CEMP1: variants seen among roughly 807,000 people sequenced by gnomAD.
CEMP1 encodes cementum protein 1.
For missense variants in CEMP1, 387 were observed against 316.9 expected (o/e 1.22, Z -1.68); for synonymous variants, 161 against 128.6 (o/e 1.25, Z -1.71).
Position 2,531,177 on chromosome 16 carries a change from C to T in CEMP1, c.-104G>A, listed in dbSNP as rs2066091267. 2 of 1,425,506 alleles carry T rather than the reference C, an allele frequency of 1.4e-6. No individual in the cohort carries two copies. Among genetic ancestry groups the T allele is most frequent in the Middle Eastern group, 2.6e-4 (1 of 3,830 alleles). The allele number at this position is 1,425,506 out of a possible 1,614,324, so 88.3% of individuals were successfully genotyped here. Reference sequence around the variant, plus strand: ...GGGCCAGCCTTTGGGCCTGGCCTGCCCCATTCACCGGCCAGCGCCCCACCT... The same window carrying T: ...GGGCCAGCCTTTGGGCCTGGCCTGCTCCATTCACCGGCCAGCGCCCCACCT... On this transcript the variant is annotated 5_prime_UTR_variant, in exon 1 of 1. Transcript: ENST00000567119.
Position 2,530,079 on chromosome 16 carries a change from CCCA to C in CEMP1, c.*248_*250del. ...CTGAGTTGGGGTGTGCAGCGTGGAGCCCACAGCCTGGTTCTGGGCCAGGGCACA... is the reference window on the plus strand; with the variant it reads ...CTGAGTTGGGGTGTGCAGCGTGGAGCCAGCCTGGTTCTGGGCCAGGGCACA... On this transcript the variant is annotated 3_prime_UTR_variant, in exon 1 of 1. Coordinates refer to ENST00000567119, the MANE Select transcript of CEMP1 (RefSeq NM_001048212.3). The C allele has an allele frequency of 1.0e-6, 1 of 973,606 alleles. No homozygotes were observed. Among genetic ancestry groups the C allele is most frequent in the Non-Finnish European group, 1.5e-6 (1 of 680,358 alleles). 60.3% of individuals were successfully genotyped at this position (973,606 alleles called of 1,614,324 possible). A position where few individuals can be genotyped will look rare whatever the true frequency, so the allele number is the denominator to read the frequency against.
rs1430268085 is a variant in CEMP1 at position 2,530,172 on chromosome 16, C to T, written c.*158G>A. ...GGCCCGGGACCCCTGTTTTCTGCTC[C>T]CTGGACTGCCTAGCCCTGAGTGCCA... On this transcript the variant is annotated 3_prime_UTR_variant, in exon 1 of 1. Coordinates refer to ENST00000567119, the MANE Select transcript of CEMP1 (RefSeq NM_001048212.3). 3 of 1,466,778 alleles carry T rather than the reference C, an allele frequency of 2.0e-6. No homozygotes were observed. Among genetic ancestry groups the T allele is most frequent in the Non-Finnish European group, 2.7e-6 (3 of 1,107,746 alleles). 90.9% of individuals were successfully genotyped at this position (1,466,778 alleles called of 1,614,324 possible).
In CEMP1 at chr16:2,530,122, G is replaced by A. The variant is rs139970822; in HGVS notation, c.*208C>T. 6.1e-4 allele frequency: 798 copies of A among 1,312,540 alleles called. 4 individuals are homozygous for A. The African/African-American group carries it at 0.011, about 18-fold the overall frequency. The allele number at this position is 1,312,540 out of a possible 1,614,324, so 81.3% of individuals were successfully genotyped here. A position where few individuals can be genotyped will look rare whatever the true frequency, so the allele number is the denominator to read the frequency against. Reference sequence around the variant, plus strand: ...GCCAGGGCACAGTGCCAGGGGCTCCGCTCTGACCTCCAGGAGGGAGACTGG... The same window carrying A: ...GCCAGGGCACAGTGCCAGGGGCTCCACTCTGACCTCCAGGAGGGAGACTGG... On this transcript the variant is annotated 3_prime_UTR_variant, in exon 1 of 1. Coordinates refer to ENST00000567119, the MANE Select transcript of CEMP1 (RefSeq NM_001048212.3).
Position 2,530,261 on chromosome 16 carries a change from A to C in CEMP1, c.*69T>G. Reference sequence around the variant, plus strand: ...TATCTCTTCACACATCCCCAGGCCCAGTGCTTGCCGGCTGTGGTGACCCTG... The same window carrying C: ...TATCTCTTCACACATCCCCAGGCCCCGTGCTTGCCGGCTGTGGTGACCCTG... On this transcript the variant is annotated 3_prime_UTR_variant, in exon 1 of 1. Transcript: ENST00000567119. The C allele has an allele frequency of 1.2e-6, 2 of 1,610,768 alleles. No homozygotes were observed. The highest frequency in any genetic ancestry group is 1.7e-6 in the Non-Finnish European group (2 of 1,178,616).
chr16:2,530,891 C>T lies in CEMP1; in HGVS notation c.183G>A (p.Lys61=), dbSNP rs767779561. Residue 61 remains lysine, a synonymous_variant, in exon 1 of 1, where the codon AAG becomes AAA. Transcript: ENST00000567119. Reference sequence around the variant, plus strand: ...GAGGTGCAGGGATACCCACCTCTGCCTTGACGGCCGCGCACCCCTTAGGAA... The same window carrying T: ...GAGGTGCAGGGATACCCACCTCTGCTTTGACGGCCGCGCACCCCTTAGGAA... ...QPLPKGCAAV[K]AEVGIPAPHT... is the part of the protein sequence containing the mutation. 5.6e-6 allele frequency: 9 copies of T among 1,613,576 alleles called. No individual in the cohort carries two copies. The highest frequency in any genetic ancestry group is 5.9e-6 in the Non-Finnish European group (7 of 1,179,990).
rs74573356 is a variant in CEMP1 at position 2,530,121 on chromosome 16, C to T, written c.*209G>A. On this transcript the variant is annotated 3_prime_UTR_variant, in exon 1 of 1. Transcript: ENST00000567119. ...GGCCAGGGCACAGTGCCAGGGGCTC[C>T]GCTCTGACCTCCAGGAGGGAGACTG... 23,803 of 1,303,836 alleles carry T rather than the reference C, an allele frequency of 0.018. 260 individuals are homozygous for T. The highest frequency in any genetic ancestry group is 0.022 in the Non-Finnish European group (21,338 of 976,580). 80.8% of individuals were successfully genotyped at this position (1,303,836 alleles called of 1,614,324 possible). A position where few individuals can be genotyped will look rare whatever the true frequency, so the allele number is the denominator to read the frequency against.
At position 2,531,098 on chromosome 16, in the gene CEMP1, A is replaced by G. The variant is rs1272532005; in HGVS notation, c.-25T>C. The G allele has an allele frequency of 6.4e-7, 1 of 1,565,042 alleles. No homozygotes were observed. The highest frequency in any genetic ancestry group is 1.3e-5 in the African/African-American group (1 of 74,272). On this transcript the variant is annotated 5_prime_UTR_variant, in exon 1 of 1. An upstream start codon of the reference 5' UTR is lost. Coordinates refer to ENST00000567119, the MANE Select transcript of CEMP1 (RefSeq NM_001048212.3). ...TCCTCAGCTAAAACCCAGAGCTGGC[A>G]TGTTGGTCATCCCCACCTCAGACGG...
chr16:2,530,685 A>G lies in CEMP1; in HGVS notation c.389T>C (p.Leu130Pro), dbSNP rs758547354. ...GAAATGTCTCCAGGTCCAAAGAGATAGGATGGTCTGGGCCCCACCTGTTGG... is the reference window on the plus strand; with the variant it reads ...GAAATGTCTCCAGGTCCAAAGAGATGGGATGGTCTGGGCCCCACCTGTTGG... ...SLPTGGAQTI[L>P]SLWTWRHFLN... The change falls in exon 1 of 1, where the codon CTA becomes CCA. Residue 130 changes from leucine to proline, a missense_variant. By Grantham distance (98) the Leu-to-Pro change is moderately conservative (BLOSUM62 -3). Coordinates refer to ENST00000567119, the MANE Select transcript of CEMP1 (RefSeq NM_001048212.3). The G allele has an allele frequency of 5.0e-6, 8 of 1,614,146 alleles. No individual in the cohort carries two copies. In the South Asian group the frequency reaches 5.5e-5, roughly 11 times the overall value.
Position 2,530,792 on chromosome 16 carries a change from T to G in CEMP1, c.282A>C (p.Arg94Ser), listed in dbSNP as rs1173452496. 4.3e-6 allele frequency: 7 copies of G among 1,613,494 alleles called. No homozygotes were observed. The South Asian group carries it at 7.7e-5, about 18-fold the overall frequency. The change falls in exon 1 of 1, where the codon AGA (arginine) becomes AGC (serine). Residue 94 changes from arginine (R) to serine (S), a missense_variant. Physicochemically the swap from Arg to Ser is moderately radical, Grantham distance 110. Coordinates refer to ENST00000567119, the MANE Select transcript of CEMP1 (RefSeq NM_001048212.3). ...SWAAPGACGL[R>S]STPCALPQAL... is the part of the protein sequence containing the mutation. ...CCTGGGGCAGGGCACAAGGGGTTGA[T>G]CTCAGCCCACAAGCCCCAGGGGCAG...
At position 2,530,507 on chromosome 16, in the gene CEMP1, C is replaced by T; in HGVS notation, c.567G>A (p.Val189=). ...CAGACGTCAGGGATTGGTGCAGCCCCACGTCAGGGGTGATTGTCTTGACTT... is the reference window on the plus strand; with the variant it reads ...CAGACGTCAGGGATTGGTGCAGCCCTACGTCAGGGGTGATTGTCTTGACTT... ...GEKVKTITPD[V]GLHQSLTSDP... is the part of the protein sequence containing the mutation. The change falls in exon 1 of 1, where the codon GTG becomes GTA. Residue 189 remains valine (V), a synonymous_variant. Transcript: ENST00000567119. The T allele has an allele frequency of 6.2e-7, 1 of 1,614,114 alleles. No homozygotes were observed. The highest frequency in any genetic ancestry group is 8.5e-7 in the Non-Finnish European group (1 of 1,179,996).
chr16:2,530,274 TG>T lies in CEMP1; in HGVS notation c.*55del, dbSNP rs1374039687. ...ATCCCCAGGCCCAGTGCTTGCCGGCTGTGGTGACCCTGCCTGGTGCTGGAGG... is the reference window on the plus strand; with the variant it reads ...ATCCCCAGGCCCAGTGCTTGCCGGCTTGGTGACCCTGCCTGGTGCTGGAGG... On this transcript the variant is annotated 3_prime_UTR_variant, in exon 1 of 1. Transcript: ENST00000567119. 2 of 1,612,640 alleles carry T rather than the reference TG, an allele frequency of 1.2e-6. No individual in the cohort carries two copies.
At position 2,530,928 on chromosome 16, in the gene CEMP1, G is replaced by A; in HGVS notation, c.146C>T (p.Ala49Val). The A allele has an allele frequency of 6.2e-7, 1 of 1,613,392 alleles. No individual in the cohort carries two copies. Among genetic ancestry groups the A allele is most frequent in the East Asian group, 2.2e-5 (1 of 44,888 alleles). ...GCACCCCTTAGGAAGTGGCTGTCCAGCGCCTGCCTGTGCTGGGCCTGGGAG... is the reference window on the plus strand; with the variant it reads ...GCACCCCTTAGGAAGTGGCTGTCCAACGCCTGCCTGTGCTGGGCCTGGGAG... ...APLPGPAQAG[A>V]GQPLPKGCAA... Residue 49 changes from alanine to valine, a missense_variant, in exon 1 of 1, where the codon GCT (alanine) becomes GTT (valine). Transcript: ENST00000567119.
rs778486371 is a variant in CEMP1, at chr16:2,530,771, G to A, written c.303C>T (p.Pro101=). The A allele has an allele frequency of 1.2e-6, 2 of 1,613,654 alleles. No homozygotes were observed. Among genetic ancestry groups the A allele is most frequent in the Non-Finnish European group, 1.7e-6 (2 of 1,179,930 alleles). Residue 101 remains proline (P), a synonymous_variant, in exon 1 of 1, where the codon CCC becomes CCT. Transcript: ENST00000567119. Reference sequence around the variant, plus strand: ...AGGGCCTCGCCTGAGGGAGGGCCTGGGGCAGGGCACAAGGGGTTGATCTCA... The same window carrying A: ...AGGGCCTCGCCTGAGGGAGGGCCTGAGGCAGGGCACAAGGGGTTGATCTCA... ...CGLRSTPCAL[P]QALPQARPCP...
Position 2,530,472 on chromosome 16 carries a change from A to G in CEMP1, c.602T>C (p.Val201Ala). 6.2e-7 allele frequency: 1 copy of G among 1,614,186 alleles called. No individual in the cohort carries two copies. The highest frequency in any genetic ancestry group is 8.5e-7 in the Non-Finnish European group (1 of 1,180,020). The part of the protein sequence containing the change: ...LHQSLTSDPT[V>A]AVLRAKRAPE... ...AGCCCTCTTGGCTCTGAGGACAGCC[A>G]CAGTGGGGTCAGACGTCAGGGATTG... Residue 201 changes from valine to alanine, a missense_variant, in exon 1 of 1, where the codon GTG becomes GCG. By Grantham distance (64) the Val-to-Ala change is moderately conservative. Transcript: ENST00000567119.
chr16:2,531,259 C>A lies in CEMP1; in HGVS notation c.-186G>T. 1 of 719,884 alleles carries A rather than the reference C, an allele frequency of 1.4e-6. No individual in the cohort carries two copies. The allele number at this position is 719,884 out of a possible 1,614,324, so 44.6% of individuals were successfully genotyped here. A position where few individuals can be genotyped will look rare whatever the true frequency, so the allele number is the denominator to read the frequency against. On this transcript the variant is annotated 5_prime_UTR_variant, in exon 1 of 1. Coordinates refer to ENST00000567119, the MANE Select transcript of CEMP1 (RefSeq NM_001048212.3). ...GAGATGGTTGGTCCACAGGGCTAGC[C>A]CTGGGTGGTGGGAGAGGGGCCCAGG...
In CEMP1 at chr16:2,531,110, C is replaced by T. The variant is rs139815200; in HGVS notation, c.-37G>A. 0.02 allele frequency: 31,409 copies of T among 1,543,656 alleles called. 385 individuals are homozygous for T. The highest frequency in any genetic ancestry group is 0.024 in the Non-Finnish European group (27,578 of 1,134,666). On this transcript the variant is annotated 5_prime_UTR_variant, in exon 1 of 1. Transcript: ENST00000567119. The stretch of plus-strand genomic sequence containing the variant: ...ACCCAGAGCTGGCATGTTGGTCATC[C>T]CCACCTCAGACGGGACGCCCAGTCC...
At position 2,531,232 on chromosome 16, in the gene CEMP1, C is replaced by T; in HGVS notation, c.-159G>A. 1 of 955,106 alleles carries T rather than the reference C, an allele frequency of 1.0e-6. No homozygotes were observed. Among genetic ancestry groups the T allele is most frequent in the Non-Finnish European group, 1.5e-6 (1 of 647,980 alleles). The allele number at this position is 955,106 out of a possible 1,614,324, so 59.2% of individuals were successfully genotyped here. ...GGCTGGAGGGTCGGGGAGGGGCTGG[C>T]AGAGATGGTTGGTCCACAGGGCTAG... On this transcript the variant is annotated 5_prime_UTR_variant, in exon 1 of 1. Coordinates refer to ENST00000567119, the MANE Select transcript of CEMP1 (RefSeq NM_001048212.3).
At position 2,530,795 on chromosome 16, in the gene CEMP1, C is replaced by T. The variant is rs1467795657; in HGVS notation, c.279G>A (p.Leu93=). The T allele has an allele frequency of 1.9e-6, 3 of 1,613,602 alleles. No individual in the cohort carries two copies. The highest frequency in any genetic ancestry group is 2.7e-5 in the African/African-American group (2 of 74,928). ...LSWAAPGACG[L]RSTPCALPQA... ...GGGGCAGGGCACAAGGGGTTGATCT[C>T]AGCCCACAAGCCCCAGGGGCAGCCC... Residue 93 remains leucine, a synonymous_variant, in exon 1 of 1, where the codon CTG becomes CTA. Coordinates refer to ENST00000567119, the MANE Select transcript of CEMP1 (RefSeq NM_001048212.3).
Position 2,531,068 on chromosome 16 carries a change from G to C in CEMP1, c.6C>G (p.Gly2=), listed in dbSNP as rs547303573. The C allele has an allele frequency of 1.2e-4, 188 of 1,588,102 alleles. 4 individuals carry two copies. In the South Asian group the frequency reaches 2.0e-3, roughly 17 times the overall value. The part of the protein sequence containing the change: M[G]TSSTDSQQAG... ...CTTGCTGGCTGTCAGTGCTTGATGT[G>C]CCCATCCTCAGCTAAAACCCAGAGC... The change falls in exon 1 of 1, where the codon GGC becomes GGG. Residue 2 remains glycine (G), a synonymous_variant. Transcript: ENST00000567119.
Sources: allele counts gnomAD v4.1 joint callset, GRCh38; gene constraint gnomAD v4.1.1; transcripts MANE v1.5; gene names NCBI Gene and HGNC (gene_info 2026-07-23, HGNC 2026-07-21).